Variants in FBXL17 observed in about 807,000 individuals in gnomAD.
FBXL17 encodes the protein F-box/LRR-repeat protein 17.
In FBXL17, 22 loss-of-function variants were observed where a neutral mutation model predicts 66.2. The ratio of observed to expected loss-of-function variants is 0.33; its 90% confidence interval spans 0.24 to 0.47. The LOEUF (loss-of-function observed/expected upper bound fraction) is 0.47. Among genes scored for constraint, FBXL17 ranks in the 20% least tolerant of loss-of-function variants. The pLI, the probability that FBXL17 is intolerant of heterozygous loss-of-function variation, is 1.00. For synonymous variants in FBXL17, 474 were observed against 400.5 expected (o/e 1.18, Z -2.19); for missense variants, 878 against 948.2 (o/e 0.93, Z 0.97).
intron 7 of FBXL17, among the ~76,000 whole-genome samples, chr5:107,892,705 A>C (rs1263112882): frequency 6.6e-6 from 1 of 152,188 alleles, no homozygotes; most frequent in Non-Finnish European, 1.5e-5. Flanking sequence ...GCTATTTACA[A>C]ACTAAAACTA....
chr5:108,054,563 G>A (rs545197966), intron 6 of FBXL17, among the ~76,000 whole-genome samples: 1 of 152,328 alleles, frequency 6.6e-6, no homozygotes, highest in South Asian at 2.1e-4. Flanking sequence ...GGGGTTAACT[G>A]AGGTTTCCCT....
At chr5:108,231,468 G>A (rs1755337529) in intron 4 of FBXL17, among the ~76,000 whole-genome samples, 1 of 152,096 alleles carries the variant, frequency 6.6e-6, no homozygotes, top group Non-Finnish European at 1.5e-5. Context: ...AAGGTTTTGA[G>A]GTTTATCCAT....
At chr5:108,182,903 C>T (rs1157861764) in intron 6 of FBXL17, among the ~76,000 whole-genome samples, 2 of 152,170 alleles carry the variant, frequency 1.3e-5, no homozygotes, top group Non-Finnish European at 2.9e-5. Context: ...TTAGATAACT[C>T]ATACAACGAA....
intron 7 of FBXL17, among the ~76,000 whole-genome samples, chr5:108,002,349 A>G (rs1261912485): frequency 6.6e-6 from 1 of 151,970 alleles, no homozygotes; most frequent in East Asian, 1.9e-4. Flanking sequence ...AAAACAAACA[A>G]AAAAAACTCC....
intron 6 of FBXL17, among the ~76,000 whole-genome samples, chr5:108,026,782 C>A (rs73778625): frequency 0.045 from 6,890 of 152,216 alleles, 539 homozygotes; most frequent in African/African-American, 0.16. Flanking sequence ...CAAACCGATG[C>A]CCATTTTGTC....
intron 6 of FBXL17, among the ~76,000 whole-genome samples, chr5:108,044,424 T>A (rs562123035): frequency 5.9e-5 from 9 of 152,320 alleles, no homozygotes; most frequent in Admixed American, 5.9e-4. Flanking sequence ...AATGCTTTTT[T>A]GACAACTGAT....
intron 6 of FBXL17, among the ~76,000 whole-genome samples, chr5:108,113,612 T>C (rs936896097): frequency 6.6e-6 from 1 of 152,138 alleles, no homozygotes; most frequent in Admixed American, 6.5e-5. Flanking sequence ...TGAAGGACTC[T>C]CAGAGGCACC....
At chr5:108,078,684 C>T (rs1465468230) in intron 6 of FBXL17, among the ~76,000 whole-genome samples, 1 of 152,188 alleles carries the variant, frequency 6.6e-6, no homozygotes, top group Non-Finnish European at 1.5e-5. Flanking sequence ...ACTACCTTTG[C>T]TAGCTAAGGC....
chr5:108,195,209 C>T (rs1456197580), intron 5 of FBXL17, among the ~76,000 whole-genome samples: 1 of 151,684 alleles, frequency 6.6e-6, no homozygotes, highest in Non-Finnish European at 1.5e-5. Context: ...GTGTTAAGTA[C>T]TATAGAGAAA....
chr5:108,040,676 ATATTCT>A (rs1254278762), intron 6 of FBXL17, among the ~76,000 whole-genome samples: 1 of 152,204 alleles, frequency 6.6e-6, no homozygotes. Context: ...TATTTCTTAC[ATATTCT>A]TAAACTGGCT....
At chr5:108,096,181 T>C (rs1749360811) in intron 6 of FBXL17, among the ~76,000 whole-genome samples, 1 of 152,216 alleles carries the variant, frequency 6.6e-6, no homozygotes, top group Admixed American at 6.5e-5. Context: ...CCTTTGCATA[T>C]GTACTGAAGT....
At chr5:107,897,242 C>A (rs1318250211) in intron 7 of FBXL17, among the ~76,000 whole-genome samples, 1 of 151,922 alleles carries the variant, frequency 6.6e-6, no homozygotes, top group Non-Finnish European at 1.5e-5. Context: ...AAAAAAATGC[C>A]ACAAAAAATT....
intron 4 of FBXL17, among the ~76,000 whole-genome samples, chr5:108,253,713 C>T (rs1221015990): frequency 1.3e-5 from 2 of 152,106 alleles, no homozygotes; most frequent in African/African-American, 2.4e-5. Context: ...TTAAAGTGGG[C>T]TGGGTGCAGT....
chr5:108,343,606 G>GT, intron 4 of FBXL17, among the ~76,000 whole-genome samples: 1 of 152,248 alleles, frequency 6.6e-6, no homozygotes, highest in South Asian at 2.1e-4. Context: ...ATGGTGAACA[G>GT]TAAGAGTCAG....
chr5:108,305,880 G>A (rs1381044874), intron 4 of FBXL17, among the ~76,000 whole-genome samples: 1 of 151,930 alleles, frequency 6.6e-6, no homozygotes, highest in Non-Finnish European at 1.5e-5. Context: ...ATAAAACAAT[G>A]TTTACCCTTA....
chr5:108,342,366 T>C lies in FBXL17; in HGVS notation c.1506+6033A>G, dbSNP rs188981127. On this transcript the variant is annotated intron_variant, in intron 4 of 8. Transcript: ENST00000542267. Reference sequence around the variant, plus strand: ...ACTAAATACTAGCTTTCCTCTTTGATAATTTCAGGAATTTTCCTAGAAAAA... The same window carrying C: ...ACTAAATACTAGCTTTCCTCTTTGACAATTTCAGGAATTTTCCTAGAAAAA... Among the ~76,000 whole-genome samples, 211 of 152,302 alleles carry C rather than the reference T, an allele frequency of 1.4e-3. 2 individuals carry two copies. Among genetic ancestry groups the C allele is most frequent in the African/African-American group, 5.0e-3 (207 of 41,570 alleles).
intron 4 of FBXL17, among the ~76,000 whole-genome samples, chr5:108,242,258 T>C (rs1462285953): frequency 6.6e-6 from 1 of 152,184 alleles, no homozygotes; most frequent in Non-Finnish European, 1.5e-5. Flanking sequence ...AATAGCTCAT[T>C]GTAACCTGGA....
chr5:107,962,489 A>G (rs754925497), intron 7 of FBXL17, among the ~76,000 whole-genome samples: 1 of 152,168 alleles, frequency 6.6e-6, no homozygotes, highest in Non-Finnish European at 1.5e-5. Flanking sequence ...GATGACAAAT[A>G]CATATTACTG....
At chr5:108,268,654 G>C (rs770359851) in intron 4 of FBXL17, among the ~76,000 whole-genome samples, 9 of 151,810 alleles carry the variant, frequency 5.9e-5, no homozygotes, top group South Asian at 2.1e-4. Context: ...GGAAAGAAAC[G>C]CATTTTCTTT....
Sources: gnomAD v4.1 joint callset for allele counts (sites outside exome capture counted in the v4.1 genomes callset) on GRCh38, gnomAD v4.1.1 for gene constraint, MANE v1.5 for transcripts, NCBI Gene and HGNC (gene_info 2026-07-23, HGNC 2026-07-21) for gene names.